The following EHD2 variants were observed in gnomAD, a reference collection of about 807,000 sequenced individuals.
EHD2 encodes EH domain-containing protein 2.
EHD2 carries 27 observed loss-of-function variants against 41.0 expected under a neutral mutation model. That is an observed-to-expected ratio of 0.66 (90% confidence interval 0.49 to 0.91). The LOEUF (loss-of-function observed/expected upper bound fraction) is 0.91, where lower values mean the gene tolerates loss of function less well. Among genes scored for constraint, EHD2 ranks in the 40% least tolerant of loss-of-function variants. The pLI is 0.00. For missense variants in EHD2, 673 were observed against 773.9 expected (o/e 0.87, Z 1.55); for synonymous variants, 342 against 341.0 (o/e 1.00, Z -0.03).
In EHD2 at chr19:47,716,868, T is replaced by A; in HGVS notation, c.256T>A (p.Ser86Thr). ...CCTGCTGGAGCAGGAGGTGCCCGGC[T>A]CCCGCGTGGGGCCTGAGCCCACCAC... Reference protein sequence around the residue: ...QYLLEQEVPGSRVGPEPTTDC... With the variant: ...QYLLEQEVPGTRVGPEPTTDC... Residue 86 changes from serine (S) to threonine (T), a missense_variant, in exon 2 of 6, where the codon TCC (serine) becomes ACC (threonine). Transcript: ENST00000263277. The A allele has an allele frequency of 6.2e-7, 1 of 1,611,650 alleles. No individual in the cohort carries two copies. Among genetic ancestry groups the A allele is most frequent in the Non-Finnish European group, 8.5e-7 (1 of 1,179,042 alleles).
chr19:47,741,467 C>G lies in EHD2; in HGVS notation c.*35C>G, dbSNP rs1395819052. ...CCTCCCATGGCCCTGCTGTGGCTCC[C>G]CAGCTCCAGTCGGCTGCACGCACAC... On this transcript the variant is annotated 3_prime_UTR_variant, in exon 6 of 6. Coordinates refer to ENST00000263277, the MANE Select transcript of EHD2 (RefSeq NM_014601.4). The surrounding 1 kb of genome is among the most constrained non-coding windows in gnomAD (Gnocchi z 4.5). The G allele has an allele frequency of 5.9e-6, 9 of 1,536,494 alleles. No homozygotes were observed. Among genetic ancestry groups the G allele is most frequent in the Non-Finnish European group, 7.8e-6 (9 of 1,147,066 alleles).
At chr19:47,725,022 A>G (rs1229869709) in intron 3 of EHD2, among the ~76,000 whole-genome samples, 1 of 139,850 alleles carries the variant, frequency 7.2e-6, no homozygotes, top group East Asian at 2.3e-4. Context: ...AAAAAAAATT[A>G]TCATCTGCTA....
Position 47,725,861 on chromosome 19 carries a change from C to T in EHD2, c.552C>T (p.Leu184=). The T allele has an allele frequency of 1.2e-6, 2 of 1,611,744 alleles. No homozygotes were observed. The highest frequency in any genetic ancestry group is 2.2e-5 in the East Asian group (1 of 44,796). The change falls in exon 4 of 6, where the codon CTC becomes CTT. Residue 184 remains leucine, a synonymous_variant. Transcript: ENST00000263277. ...GCTGGTTCGCGGAGCGCGTGGACCT[C>T]ATCATCCTGCTCTTTGATGCGCACA... The part of the protein sequence containing the change: ...VLRWFAERVD[L]IILLFDAHKL...
chr19:47,727,377 G>A (rs531706597), intron 4 of EHD2, among the ~76,000 whole-genome samples: 13 of 152,202 alleles, frequency 8.5e-5, no homozygotes, highest in South Asian at 4.1e-4. Context: ...GATTATAGGC[G>A]TGAGCCACCG....
chr19:47,716,935 C>T lies in EHD2; in HGVS notation c.323C>T (p.Thr108Ile), dbSNP rs1372047964. The T allele has an allele frequency of 6.2e-7, 1 of 1,609,650 alleles. No individual in the cohort carries two copies. Among genetic ancestry groups the T allele is most frequent in the Admixed American group, 1.7e-5 (1 of 60,016 alleles). The part of the protein sequence containing the change: ...VAVMHGDTEG[T>I]VPGNALVVDP... The stretch of plus-strand genomic sequence containing the variant: ...GTCATGCACGGGGACACTGAGGGCA[C>T]CGTGCCCGGCAACGCCCTCGTCGTG... The change falls in exon 2 of 6, where the codon ACC becomes ATC. Residue 108 changes from threonine to isoleucine, a missense_variant. By Grantham distance (89) the Thr-to-Ile change is moderately conservative. Transcript: ENST00000263277.
Position 47,741,124 on chromosome 19 carries a change from G to C in EHD2, c.1324G>C (p.Ala442Pro). 6.2e-7 allele frequency: 1 copy of C among 1,611,394 alleles called. No homozygotes were observed. Among genetic ancestry groups the C allele is most frequent in the South Asian group, 1.1e-5 (1 of 91,088 alleles). ...EDGEEGSDDE[A>P]EWVVTKDKSK... ...CGGCGAGGAGGGCTCGGACGACGAG[G>C]CCGAGTGGGTGGTGACCAAGGACAA... Residue 442 changes from alanine (A) to proline (P), a missense_variant, in exon 6 of 6, where the codon GCC becomes CCC. Transcript: ENST00000263277. The surrounding 1 kb of genome is among the most constrained non-coding windows in gnomAD (Gnocchi z 4.5).
At chr19:47,733,750 T>TCAAAAAAAAAAAAAAAAAAA (rs1966892968) in intron 4 of EHD2, among the ~76,000 whole-genome samples, 1 of 9,226 alleles carries the variant, frequency 1.1e-4, no homozygotes, top group Non-Finnish European at 2.6e-4. Flanking sequence ...AGACTCTGTC[T>TCAAAAAAAAAAAAAAAAAAA]CAAAAAAAAA....
Position 47,736,370 on chromosome 19 carries a change from T to G in EHD2, c.917T>G (p.Val306Gly), listed in dbSNP as rs1317771713. 8.1e-6 allele frequency: 13 copies of G among 1,612,172 alleles called. No homozygotes were observed. The highest frequency in any genetic ancestry group is 1.1e-5 in the Non-Finnish European group (13 of 1,179,358). Residue 306 changes from valine (V) to glycine (G), a missense_variant and splice_region_variant, in exon 5 of 6, where the codon GTT becomes GGT. Val to Gly is a moderately radical substitution (Grantham distance 109, BLOSUM62 -3). Transcript: ENST00000263277. Reference protein sequence around the residue: ...DLVKRARLVRVHAYIISYLKK... With the variant: ...DLVKRARLVRGHAYIISYLKK... Reference sequence around the variant, plus strand: ...CTGAGGTGAGAACCCTTCCCACAGGTTCACGCTTACATCATCAGCTACCTG... The same window carrying G: ...CTGAGGTGAGAACCCTTCCCACAGGGTCACGCTTACATCATCAGCTACCTG...
At chr19:47,717,085 T>C in intron 2 of EHD2, 69 bp downstream of exon 2, 1 of 1,585,102 alleles carries the variant, frequency 6.3e-7, no homozygotes, top group Non-Finnish European at 8.5e-7. Flanking sequence ...TCCGCTCTTT[T>C]CGCCCAGGCT....
chr19:47,741,419 G>A lies in EHD2; in HGVS notation c.1619G>A (p.Gly540Asp). 6.4e-7 allele frequency: 1 copy of A among 1,557,582 alleles called. No homozygotes were observed. The change falls in exon 6 of 6, where the codon GGC becomes GAC. Residue 540 changes from glycine (G) to aspartate (D), a missense_variant. Coordinates refer to ENST00000263277, the MANE Select transcript of EHD2 (RefSeq NM_014601.4). This position sits in a 1 kb window ranked among gnomAD's most constrained non-coding sequence, Gnocchi z 4.5. ...CCACCCTCCAAGCGACGCCACAAGG[G>A]CTCCGCCGAGTGAGCCGGCCCCCCT... ...LVPPSKRRHKGSAE is the reference protein window; with the variant it reads ...LVPPSKRRHKDSAE
intron 4 of EHD2, chr19:47,731,282 A>ATATATATG (rs1973809075): frequency 9.9e-5 from 6 of 60,674 alleles, no homozygotes; most frequent in Admixed American, 1.9e-4. Context: ...AAAAAAAAAT[A>ATATATATG]TATATATATA....
At chr19:47,739,770 T>C (rs1201473992) in intron 5 of EHD2, among the ~76,000 whole-genome samples, 1 of 151,646 alleles carries the variant, frequency 6.6e-6, no homozygotes, top group Non-Finnish European at 1.5e-5. Flanking sequence ...TTTTAACTTT[T>C]AATGTTGTAC....
At chr19:47,737,128 G>A (rs1444765748) in intron 5 of EHD2, among the ~76,000 whole-genome samples, 1 of 151,836 alleles carries the variant, frequency 6.6e-6, no homozygotes, top group Admixed American at 6.6e-5. Context: ...CTACTCGGGA[G>A]GCTGAGGCAG....
In EHD2 at chr19:47,741,427, G is replaced by A. The variant is rs754962437; in HGVS notation, c.1627G>A (p.Glu543Lys). Residue 543 changes from glutamate to lysine, a missense_variant, in exon 6 of 6, where the codon GAG becomes AAG. Coordinates refer to ENST00000263277, the MANE Select transcript of EHD2 (RefSeq NM_014601.4). The surrounding 1 kb of genome is among the most constrained non-coding windows in gnomAD (Gnocchi z 4.5). ...CAAGCGACGCCACAAGGGCTCCGCC[G>A]AGTGAGCCGGCCCCCCTCCCATGGC... ...PSKRRHKGSA[E>K] 14 of 1,508,030 alleles carry A rather than the reference G, an allele frequency of 9.3e-6. No individual in the cohort carries two copies. Among genetic ancestry groups the A allele is most frequent in the East Asian group, 2.4e-5 (1 of 42,024 alleles). The allele number at this position is 1,508,030 out of a possible 1,614,324, so 93.4% of individuals were successfully genotyped here. A position where few individuals can be genotyped will look rare whatever the true frequency, so the allele number is the denominator to read the frequency against.
rs1356748363 is a variant in EHD2 at position 47,731,297 on chromosome 19, T to G, written c.916-5072T>G. 4.2e-5 allele frequency: 4 copies of G among 95,014 alleles called. 1 individual carries two copies. The highest frequency in any genetic ancestry group is 1.2e-4 in the African/African-American group (4 of 32,484). The allele number at this position is 95,014 out of a possible 1,614,324, so 5.9% of individuals were successfully genotyped here. A position where few individuals can be genotyped will look rare whatever the true frequency, so the allele number is the denominator to read the frequency against. On this transcript the variant is annotated intron_variant, in intron 4 of 5. Coordinates refer to ENST00000263277, the MANE Select transcript of EHD2 (RefSeq NM_014601.4). ...AAAAAAAAATATATATATATATATA[T>G]ATATACATATATATATAATTTTTTT...
Position 47,741,201 on chromosome 19 carries a change from G to C in EHD2, c.1401G>C (p.Leu467=), listed in dbSNP as rs762366756. The C allele has an allele frequency of 1.9e-6, 3 of 1,613,920 alleles. No individual in the cohort carries two copies. The highest frequency in any genetic ancestry group is 2.2e-5 in the South Asian group (2 of 91,072). ...ACCTGGCGCCTGCCGACGGCAAGCT[G>C]AGCGGCTCCAAGGCCAAGACCTGGA... ...FYNLAPADGK[L]SGSKAKTWMV... Residue 467 remains leucine (L), a synonymous_variant, in exon 6 of 6, where the codon CTG becomes CTC. Transcript: ENST00000263277. This position sits in a 1 kb window ranked among gnomAD's most constrained non-coding sequence, Gnocchi z 4.5.
At position 47,741,385 on chromosome 19, in the gene EHD2, C is replaced by T. The variant is rs368089890; in HGVS notation, c.1585C>T (p.Arg529Cys). 21 of 1,600,740 alleles carry T rather than the reference C, an allele frequency of 1.3e-5. No individual in the cohort carries two copies. The highest frequency in any genetic ancestry group is 6.7e-5 in the East Asian group (3 of 44,640). Residue 529 changes from arginine to cysteine, a missense_variant, in exon 6 of 6, where the codon CGC (arginine) becomes TGC (cysteine). By Grantham distance (180) the Arg-to-Cys change is radical. Coordinates refer to ENST00000263277, the MANE Select transcript of EHD2 (RefSeq NM_014601.4). This position sits in a 1 kb window ranked among gnomAD's most constrained non-coding sequence, Gnocchi z 4.5. Reference protein sequence around the residue: ...GHGLPANLPRRLVPPSKRRHK... With the variant: ...GHGLPANLPRCLVPPSKRRHK... ...CGGGCTGCCCGCCAACCTGCCCCGT[C>T]GCCTGGTGCCACCCTCCAAGCGACG...
chr19:47,721,173 GTGTGTGT>G (rs1973692603), intron 3 of EHD2, among the ~76,000 whole-genome samples: 1 of 120,628 alleles, frequency 8.3e-6, no homozygotes, highest in African/African-American at 3.4e-5. Flanking sequence ...GGGTGTGTGT[GTGTGTGT>G]GTGTGTGTGT....
At chr19:47,736,291 A>T in intron 4 of EHD2, 78 bp from the exon 5 acceptor site, 1 of 1,359,400 alleles carries the variant, frequency 7.4e-7, no homozygotes, top group Non-Finnish European at 1.0e-6. Context: ...AATCTCTGGG[A>T]GTGGGGCCTG....
Sources: gnomAD v4.1 joint callset for allele counts (sites outside exome capture counted in the v4.1 genomes callset) on GRCh38, gnomAD v4.1.1 for gene constraint, Gnocchi (gnomAD v3.1) non-coding constraint, MANE v1.5 for transcripts, NCBI Gene and HGNC (gene_info 2026-07-23, HGNC 2026-07-21) for gene names.